The following RBFOX2 variants were observed in gnomAD, a reference collection of about 807,000 sequenced individuals.
RBFOX2 encodes RNA binding protein fox-1 homolog 2.
RBFOX2 carries 10 observed loss-of-function variants against 49.1 expected under a neutral mutation model. That is an observed-to-expected ratio of 0.20 (90% CI 0.13 to 0.35). The LOEUF is 0.35. RBFOX2 is among the 10% of genes least tolerant of loss of function. The probability of loss-of-function intolerance (pLI) is 1.00; values close to 1 mark genes in which losing one functional copy is unlikely to be tolerated. For synonymous variants in RBFOX2, 183 were observed against 187.4 expected, an observed-to-expected ratio of 0.98 and a Z score of 0.19; for missense variants, 323 against 486.9, an observed-to-expected ratio of 0.66 and a Z score of 3.17.
chr22:35,759,798 C>A lies in RBFOX2; in HGVS notation c.887+90G>T, dbSNP rs548636693. 1 of 1,529,998 alleles carries A rather than the reference C, an allele frequency of 6.5e-7. No individual in the cohort carries two copies. The highest frequency in any genetic ancestry group is 2.3e-5 in the East Asian group (1 of 43,942). The allele number at this position is 1,529,998 out of a possible 1,614,324, so 94.8% of individuals were successfully genotyped here. ...GAATGCCTACTCTGTGACACGGCAA[C>A]ATCCCAGAAGTTATGAAAGGGCCAT... On this transcript the variant is annotated intron_variant, in intron 9 of 11. Coordinates refer to ENST00000405409, the Ensembl canonical transcript of RBFOX2. This position sits in a 1 kb window ranked among gnomAD's most constrained non-coding sequence, Gnocchi z 4.6.
chr22:35,894,183 G>A (rs1296225743), intron 1 of RBFOX2, among the ~76,000 whole-genome samples: 1 of 151,892 alleles, frequency 6.6e-6, no homozygotes, highest in Non-Finnish European at 1.5e-5. Flanking sequence ...TACATTCCTG[G>A]CAAATATAAA....
At chr22:35,887,189 G>A (rs2046681816) in intron 1 of RBFOX2, among the ~76,000 whole-genome samples, 1 of 151,940 alleles carries the variant, frequency 6.6e-6, no homozygotes, top group Non-Finnish European at 1.5e-5. Context: ...AGTAAAGGCG[G>A]CTTTCCTAAA....
intron 6 of RBFOX2, 126 bp from the exon 8 acceptor site, chr22:35,761,594 T>C (rs1242535560): frequency 4.3e-6 from 4 of 929,854 alleles, no homozygotes; most frequent in Non-Finnish European, 6.9e-6. Context: ...CTCTTTGGAA[T>C]TCCAGCTTGG....
chr22:35,842,837 A>T (rs1484846675), upstream of RBFOX2, among the ~76,000 whole-genome samples: 1 of 152,086 alleles, frequency 6.6e-6, no homozygotes, highest in Non-Finnish European at 1.5e-5. Flanking sequence ...GAAAAGGGCA[A>T]ATGAGGGGTC....
intron 1 of RBFOX2, among the ~76,000 whole-genome samples, chr22:35,832,797 C>T (rs1457068129): frequency 6.6e-6 from 1 of 152,124 alleles, no homozygotes; most frequent in Non-Finnish European, 1.5e-5. Context: ...TGAGCCAAGA[C>T]TGCACCACTG....
intron 2 of RBFOX2, among the ~76,000 whole-genome samples, chr22:35,803,337 T>A (rs1172145235): frequency 6.6e-6 from 1 of 152,166 alleles, no homozygotes; most frequent in African/African-American, 2.4e-5. Flanking sequence ...AAGGCCCAGA[T>A]GTTGGATTTA....
At chr22:35,869,469 CAAAAAAAAAAAAAAAAAAAAA>C (rs35854576) in intron 1 of RBFOX2, among the ~76,000 whole-genome samples, 13 of 30,570 alleles carry the variant, frequency 4.3e-4, no homozygotes, top group Middle Eastern at 0.022. Flanking sequence ...AACGGCTGAC[CAAAAAAAAAAAAAAAAAAAAA>C]AAAAAAAAAA....
chr22:35,771,216 C>T (rs1489475731), intron 4 of RBFOX2, among the ~76,000 whole-genome samples: 2 of 152,146 alleles, frequency 1.3e-5, no homozygotes, highest in African/African-American at 4.8e-5. Flanking sequence ...CCTGGATTAT[C>T]CAGTTGGGCC....
At chr22:35,752,649 G>A (rs1569235890) in intron 9 of RBFOX2, 1 of 983,674 alleles carries the variant, frequency 1.0e-6, no homozygotes, top group African/African-American at 1.7e-5. Flanking sequence ...GTTCCTGTAA[G>A]ACTATTCTAT....
At chr22:35,906,641 C>A (rs1331329894) in intron 1 of RBFOX2, among the ~76,000 whole-genome samples, 1 of 151,802 alleles carries the variant, frequency 6.6e-6, no homozygotes, top group Non-Finnish European at 1.5e-5. Flanking sequence ...AGAGTGAAAC[C>A]CCATCTCTAC....
At chr22:35,936,631 C>T (rs1051174193) in intron 1 of RBFOX2, among the ~76,000 whole-genome samples, 6 of 152,124 alleles carry the variant, frequency 3.9e-5, no homozygotes, top group Non-Finnish European at 5.9e-5. Flanking sequence ...TCAGAATGTG[C>T]CTCAAAGTAA....
chr22:35,929,278 G>A (rs746849384), intron 1 of RBFOX2, among the ~76,000 whole-genome samples: 2 of 151,708 alleles, frequency 1.3e-5, no homozygotes, highest in Non-Finnish European at 2.9e-5. Context: ...CCACCACACT[G>A]GCTTATTTCT....
intron 1 of RBFOX2, among the ~76,000 whole-genome samples, chr22:35,977,799 T>A (rs1231938382): frequency 7.7e-6 from 1 of 129,396 alleles, no homozygotes; most frequent in African/African-American, 2.9e-5. Context: ...TGTATACGTA[T>A]AAAATCCCCC....
chr22:36,025,446 T>C (rs567523475), intron 1 of RBFOX2, among the ~76,000 whole-genome samples: 20 of 152,200 alleles, frequency 1.3e-4, no homozygotes, highest in Non-Finnish European at 2.9e-4. Flanking sequence ...ATTATAGTTG[T>C]TGATTTATTA....
chr22:35,807,232 A>G (rs13057358), intron 2 of RBFOX2, among the ~76,000 whole-genome samples: 1 of 152,250 alleles, frequency 6.6e-6, no homozygotes, highest in Non-Finnish European at 1.5e-5. Flanking sequence ...ATATCAGACA[A>G]ATAGTTTTAC....
At chr22:35,779,673 GA>G (rs1944691207) in intron 3 of RBFOX2, among the ~76,000 whole-genome samples, 1 of 152,152 alleles carries the variant, frequency 6.6e-6, no homozygotes, top group East Asian at 1.9e-4. Context: ...TAAGACGAAT[GA>G]GGCTAAAAGA....
intron 1 of RBFOX2, among the ~76,000 whole-genome samples, chr22:35,819,225 A>T (rs1191610592): frequency 2.0e-5 from 3 of 151,864 alleles, no homozygotes; most frequent in Non-Finnish European, 4.4e-5. Context: ...ATAAGTCTAT[A>T]AAAAAAAGAT....
chr22:35,816,196 A>C (rs1279277540), intron 1 of RBFOX2, among the ~76,000 whole-genome samples: 1 of 152,210 alleles, frequency 6.6e-6, no homozygotes, highest in Non-Finnish European at 1.5e-5. Context: ...CTAGATTCTT[A>C]ACTTACACAA....
intron 8 of RBFOX2, 120 bp from the exon 10 acceptor site, chr22:35,760,140 G>C: frequency 3.8e-6 from 5 of 1,317,694 alleles, no homozygotes; most frequent in Non-Finnish European, 5.3e-6. Context: ...ACACCTTTTT[G>C]GAAAAGGTGG....
Sources: gnomAD v4.1 joint callset for allele counts (sites outside exome capture counted in the v4.1 genomes callset) on GRCh38, gnomAD v4.1.1 for gene constraint, Gnocchi (gnomAD v3.1) non-coding constraint, MANE v1.5 for transcripts, NCBI Gene and HGNC (gene_info 2026-07-23, HGNC 2026-07-21) for gene names.